The following BLVRA variants were observed in gnomAD, a reference collection of about 807,000 sequenced individuals.
BLVRA encodes the protein BVR A.
In BLVRA, 22 loss-of-function variants were observed where a neutral mutation model predicts 32.8. The observed-to-expected ratio is 0.67, with a 90% CI of 0.48 to 0.96. The LOEUF (loss-of-function observed/expected upper bound fraction) is 0.96. BLVRA is among the 40% of genes least tolerant of loss of function. The probability of loss-of-function intolerance (pLI) is 0.00; values close to 1 mark genes in which losing one functional copy is unlikely to be tolerated. For missense variants in BLVRA, 323 were observed against 358.1 expected (o/e 0.90, Z 0.79); for synonymous variants, 119 against 141.3 (o/e 0.84, Z 1.12).
chr7:43,803,528 G>A (rs769974174), intron 6 of BLVRA, 148 bp from the exon 7 acceptor site: 24 of 839,236 alleles, frequency 2.9e-5, no homozygotes, highest in South Asian at 5.7e-5. Context: ...CATTAATCAC[G>A]TTGCCTGCCT....
intron 2 of BLVRA, among the ~76,000 whole-genome samples, chr7:43,778,376 T>C (rs1202766946): frequency 1.3e-5 from 2 of 152,254 alleles, no homozygotes; most frequent in African/African-American, 4.8e-5. Flanking sequence ...GGACCCTCAG[T>C]TGCAGGTCTG....
chr7:43,762,660 G>A (rs910174422), intron 1 of BLVRA, among the ~76,000 whole-genome samples: 1 of 143,376 alleles, frequency 7.0e-6, no homozygotes, highest in Non-Finnish European at 1.5e-5. Context: ...CACCCAGGCT[G>A]GAGTGCAGTG....
intron 2 of BLVRA, among the ~76,000 whole-genome samples, chr7:43,778,851 G>C (rs2095764969): frequency 6.6e-6 from 1 of 152,240 alleles, no homozygotes; most frequent in African/African-American, 2.4e-5. Context: ...AGCAAGCCTG[G>C]GCAATGGCAG....
intron 1 of BLVRA, among the ~76,000 whole-genome samples, chr7:43,767,821 A>G (rs898616937): frequency 1.3e-5 from 2 of 149,734 alleles, no homozygotes; most frequent in Non-Finnish European, 3.0e-5. Context: ...AAGTTAAATT[A>G]GTTACAAATA....
intron 5 of BLVRA, among the ~76,000 whole-genome samples, chr7:43,794,944 C>T (rs2095790104): frequency 6.6e-6 from 1 of 152,168 alleles, no homozygotes; most frequent in Admixed American, 6.5e-5. Context: ...GGTGTGGTGG[C>T]TCATGCCTGT....
chr7:43,768,456 C>T (rs1453552218), intron 1 of BLVRA, among the ~76,000 whole-genome samples: 2 of 152,248 alleles, frequency 1.3e-5, no homozygotes, highest in African/African-American at 2.4e-5. Flanking sequence ...AGGGCAGTGC[C>T]GCAGTGCCTT....
rs764196616 is a variant in BLVRA, at chr7:43,788,803, A to ATT, written c.134+793_134+794dup. On this transcript the variant is annotated intron_variant, in intron 3 of 7. Coordinates refer to ENST00000265523, the MANE Select transcript of BLVRA (RefSeq NM_000712.4). ...ACACACACACCACCACGCCTGGATA[A>ATT]TTTTTTTTTTTTTTTTGTAGAGACA... Among the ~76,000 whole-genome samples, 17 of 139,624 alleles carry ATT rather than the reference A, an allele frequency of 1.2e-4. 1 individual carries two copies. Among genetic ancestry groups the ATT allele is most frequent in the Non-Finnish European group, 1.9e-4 (12 of 63,616 alleles). 91.6% of individuals were successfully genotyped at this position (139,624 alleles called of 152,430 possible).
Position 43,807,340 on chromosome 7 carries a change from G to T in BLVRA, c.*105G>T, listed in dbSNP as rs538168280. On this transcript the variant is annotated 3_prime_UTR_variant, in exon 8 of 8. Transcript: ENST00000265523. ...AAAATTAAACATGTTGGGGAAACAA[G>T]AATCTTATTGTTATGAGCTATGTTG... The T allele has an allele frequency of 5.6e-5, 86 of 1,524,888 alleles. 1 individual carries two copies. In the South Asian group the frequency reaches 8.6e-4, roughly 15 times the overall value. 94.5% of individuals were successfully genotyped at this position (1,524,888 alleles called of 1,614,324 possible). A position where few individuals can be genotyped will look rare whatever the true frequency, so the allele number is the denominator to read the frequency against.
intron 2 of BLVRA, among the ~76,000 whole-genome samples, chr7:43,774,914 GTTCAC>G (rs1280054121): frequency 6.6e-6 from 1 of 152,188 alleles, no homozygotes; most frequent in Non-Finnish European, 1.5e-5. Flanking sequence ...GTGAATGGGA[GTTCAC>G]TCATGATTTG....
Position 43,791,287 on chromosome 7 carries a change from C to T in BLVRA, c.173C>T (p.Ser58Phe). The T allele has an allele frequency of 6.2e-7, 1 of 1,614,086 alleles. No individual in the cohort carries two copies. The highest frequency in any genetic ancestry group is 8.5e-7 in the Non-Finnish European group (1 of 1,179,954). The change falls in exon 4 of 8, where the codon TCT becomes TTT. Residue 58 changes from serine to phenylalanine, a missense_variant. Physicochemically the swap from Ser to Phe is radical, Grantham distance 155. Coordinates refer to ENST00000265523, the MANE Select transcript of BLVRA (RefSeq NM_000712.4). ...AGCATTGATGGAGTCCAGCAGATTT[C>T]TTTGGAGGATGCTCTTTCCAGCCAA... ...LGSIDGVQQI[S>F]LEDALSSQEV...
At chr7:43,764,578 G>A (rs1462959816) in intron 1 of BLVRA, among the ~76,000 whole-genome samples, 1 of 152,104 alleles carries the variant, frequency 6.6e-6, no homozygotes, top group Non-Finnish European at 1.5e-5. Flanking sequence ...AAGTGGGGTG[G>A]GGAAGAGAGT....
intron 6 of BLVRA, among the ~76,000 whole-genome samples, chr7:43,801,439 C>T (rs780832623): frequency 5.3e-5 from 8 of 152,190 alleles, no homozygotes; most frequent in Non-Finnish European, 1.2e-4. Context: ...CTGGCCGTAT[C>T]GTTGGGCACC....
intron 1 of BLVRA, among the ~76,000 whole-genome samples, chr7:43,762,332 G>C (rs941365294): frequency 6.6e-6 from 1 of 151,632 alleles, no homozygotes; most frequent in African/African-American, 2.4e-5. Flanking sequence ...TTCCCCCCGA[G>C]TACAACAATC....
chr7:43,799,727 G>A (rs1055455003), intron 5 of BLVRA, among the ~76,000 whole-genome samples: 5 of 151,954 alleles, frequency 3.3e-5, no homozygotes, highest in African/African-American at 1.2e-4. Context: ...ACTTGCCTTG[G>A]CCTCCCAAAG....
chr7:43,799,200 C>T (rs1277486595), intron 5 of BLVRA, among the ~76,000 whole-genome samples: 1 of 152,208 alleles, frequency 6.6e-6, no homozygotes, highest in Admixed American at 6.5e-5. Flanking sequence ...CGACAGACAT[C>T]CTCCTTGCTC....
intron 5 of BLVRA, 62 bp from the exon 6 acceptor site, chr7:43,800,403 C>T: frequency 6.8e-7 from 1 of 1,468,220 alleles, no homozygotes; most frequent in Non-Finnish European, 9.5e-7. Flanking sequence ...AGAGTACCCT[C>T]TGGGATGCAC....
chr7:43,787,174 C>T lies in BLVRA; in HGVS notation c.13-730C>T, dbSNP rs979206844. ...CTGACCTCAAGTGATCCACCTGCCT[C>T]GGCCTCCCAAAGTGCTGGGATTACA... On this transcript the variant is annotated intron_variant, in intron 2 of 7. Coordinates refer to ENST00000265523, the MANE Select transcript of BLVRA (RefSeq NM_000712.4). The surrounding 1 kb of genome is among the most constrained non-coding windows in gnomAD (Gnocchi z 4.5). Among the ~76,000 whole-genome samples the T allele has an allele frequency of 1.3e-5, 2 of 152,106 alleles. No homozygotes were observed. The highest frequency in any genetic ancestry group is 1.9e-4 in the East Asian group (1 of 5,186).
intron 7 of BLVRA, among the ~76,000 whole-genome samples, chr7:43,805,076 G>A (rs781396735): frequency 5.9e-5 from 9 of 152,136 alleles, no homozygotes; most frequent in African/African-American, 9.7e-5. Flanking sequence ...GATTGCAGCC[G>A]TGGTCAGACC....
chr7:43,791,301 C>G lies in BLVRA; in HGVS notation c.187C>G (p.Leu63Val), dbSNP rs2095785603. The change falls in exon 4 of 8, where the codon CTT becomes GTT. Residue 63 changes from leucine (L) to valine (V), a missense_variant. By Grantham distance (32) the Leu-to-Val change is conservative. Transcript: ENST00000265523. ...GVQQISLEDA[L>V]SSQEVEVAYI... ...CCAGCAGATTTCTTTGGAGGATGCT[C>G]TTTCCAGCCAAGAGGTGGAGGTCGC... 3.1e-6 allele frequency: 5 copies of G among 1,614,068 alleles called. No homozygotes were observed. The highest frequency in any genetic ancestry group is 4.2e-6 in the Non-Finnish European group (5 of 1,179,938).
Sources: allele counts gnomAD v4.1 joint callset (sites outside exome capture counted in the v4.1 genomes callset), GRCh38; gene constraint gnomAD v4.1.1; non-coding constraint Gnocchi (gnomAD v3.1); transcripts MANE v1.5; gene names NCBI Gene and HGNC (gene_info 2026-07-23, HGNC 2026-07-21).